The following CD38 variants were observed in gnomAD, a reference collection of about 807,000 sequenced individuals.
The protein encoded by CD38 is ADP-ribosyl cyclase/cyclic ADP-ribose hydrolase 1.
Under a neutral mutation model 36.3 loss-of-function variants are expected in CD38, and 31 were observed. That is an observed-to-expected ratio of 0.85 (90% CI 0.64 to 1.15). CD38 has a LOEUF of 1.15. Ranked by LOEUF, CD38 falls within the 50% of genes most tolerant of loss-of-function variation. The pLI is 0.00. For synonymous variants in CD38, 131 were observed against 135.2 expected, an observed-to-expected ratio of 0.97 and a Z score of 0.22; for missense variants, 380 against 371.9, an observed-to-expected ratio of 1.02 and a Z score of -0.18.
chr4:15,812,062 G>A (rs753013105), intron 1 of CD38, among the ~76,000 whole-genome samples: 101 of 152,198 alleles, frequency 6.6e-4, no homozygotes, highest in East Asian at 1.9e-4. Flanking sequence ...GCATTGCTTC[G>A]GCTGCATGAC....
At position 15,791,769 on chromosome 4, in the gene CD38, G is replaced by T. The variant is rs1465209013; in HGVS notation, c.233+13122G>T. Among the ~76,000 whole-genome samples, 20 of 80,746 alleles carry T rather than the reference G, an allele frequency of 2.5e-4. 6 individuals carry two copies. The highest frequency in any genetic ancestry group is 2.4e-3 in the African/African-American group (19 of 8,012). The allele number at this position is 80,746 out of a possible 152,430, so 53.0% of individuals were successfully genotyped here. On this transcript the variant is annotated intron_variant, in intron 1 of 7. Transcript: ENST00000226279. ...CCTACTGGGAAGTGAGGATCCCTCT[G>T]CCCGGCCAGCCGCCCCGTCCGGGAG... is the stretch of plus-strand genomic sequence containing the variant.
intron 1 of CD38, among the ~76,000 whole-genome samples, chr4:15,803,982 T>C (rs1723284427): frequency 6.6e-6 from 1 of 152,230 alleles, no homozygotes; most frequent in South Asian, 2.1e-4. Context: ...ATACATGATT[T>C]CATTCTTCTT....
intron 7 of CD38, among the ~76,000 whole-genome samples, chr4:15,847,580 AACAAC>A (rs1361532299): frequency 1.5e-4 from 18 of 117,384 alleles, no homozygotes; most frequent in East Asian, 1.4e-3. Context: ...AAAAATAAAA[AACAAC>A]TCTCAGAAGC....
chr4:15,840,146 G>C (rs755331095), intron 6 of CD38, 28 bp downstream of exon 6: 27 of 1,463,308 alleles, frequency 1.8e-5, no homozygotes, highest in Non-Finnish European at 2.3e-5. Flanking sequence ...GTACCCAAGT[G>C]TTATTTTATG....
At chr4:15,805,041 C>G (rs1286757146) in intron 1 of CD38, among the ~76,000 whole-genome samples, 1 of 152,052 alleles carries the variant, frequency 6.6e-6, no homozygotes, top group Non-Finnish European at 1.5e-5. Context: ...TAAATATGTG[C>G]AATTACATGT....
chr4:15,839,941 CCTTT>C (rs1724164547), intron 5 of CD38, 81 bp from the exon 6 acceptor site: 2 of 871,042 alleles, frequency 2.3e-6, no homozygotes. Flanking sequence ...CTAGCCAGTG[CCTTT>C]CTGCCTGCTG....
At chr4:15,840,305 C>A in intron 6 of CD38, 147 bp from the exon 7 acceptor site, 1 of 715,996 alleles carries the variant, frequency 1.4e-6, no homozygotes. Context: ...CTTCAGCTCT[C>A]CTGCTGACCC....
intron 3 of CD38, among the ~76,000 whole-genome samples, chr4:15,830,181 G>C (rs1191814395): frequency 1.3e-5 from 2 of 152,112 alleles, no homozygotes; most frequent in Non-Finnish European, 2.9e-5. Context: ...GTTCTCCATA[G>C]TGGTTGTACT....
chr4:15,811,516 T>C (rs1035990510), intron 1 of CD38, among the ~76,000 whole-genome samples: 2 of 152,206 alleles, frequency 1.3e-5, no homozygotes, highest in Admixed American at 1.3e-4. Context: ...GCACCATTTG[T>C]TGAAAAGTGT....
In CD38 at chr4:15,851,535, A is replaced by G. The variant is rs1215044647; in HGVS notation, c.*2933A>G. 6.6e-6 allele frequency: 1 copy of G among 152,084 alleles called. No individual in the cohort carries two copies. The highest frequency in any genetic ancestry group is 1.5e-5 in the Non-Finnish European group (1 of 68,028). 9.4% of individuals were successfully genotyped at this position (152,084 alleles called of 1,614,324 possible). A position where few individuals can be genotyped will look rare whatever the true frequency, so the allele number is the denominator to read the frequency against. On this transcript the variant is annotated 3_prime_UTR_variant, in exon 8 of 8. Transcript: ENST00000226279. ...AATTCCTAAGGCTCACCATTTTCCT[A>G]TTGTAATGGTTCTTGACCTTATAAT...
At chr4:15,828,198 T>G (rs1457263099) in intron 3 of CD38, among the ~76,000 whole-genome samples, 1 of 152,110 alleles carries the variant, frequency 6.6e-6, no homozygotes, top group Non-Finnish European at 1.5e-5. Flanking sequence ...GTATTTTTTT[T>G]AGAGACAGGG....
At chr4:15,780,534 A>ACACACACACACACACGCG (rs1722671739) in intron 1 of CD38, among the ~76,000 whole-genome samples, 1 of 144,170 alleles carries the variant, frequency 6.9e-6, no homozygotes, top group African/African-American at 2.7e-5. Flanking sequence ...ACACACACAC[A>ACACACACACACACACGCG]CACACACACA....
At position 15,851,859 on chromosome 4, in the gene CD38, A is replaced by G. The variant is rs973803021; in HGVS notation, c.*3257A>G. Reference sequence around the variant, plus strand: ...CTACTACACACCCAGGCTACATGGTATCACCTATTCCTCCTAGGCTACAAG... The same window carrying G: ...CTACTACACACCCAGGCTACATGGTGTCACCTATTCCTCCTAGGCTACAAG... On this transcript the variant is annotated 3_prime_UTR_variant, in exon 8 of 8. Coordinates refer to ENST00000226279, the MANE Select transcript of CD38 (RefSeq NM_001775.4). 1 of 152,238 alleles carries G rather than the reference A, an allele frequency of 6.6e-6. No homozygotes were observed. 9.4% of individuals were successfully genotyped at this position (152,238 alleles called of 1,614,324 possible). A position where few individuals can be genotyped will look rare whatever the true frequency, so the allele number is the denominator to read the frequency against.
chr4:15,800,072 C>T (rs1254536597), intron 1 of CD38, among the ~76,000 whole-genome samples: 1 of 152,074 alleles, frequency 6.6e-6, no homozygotes, highest in African/African-American at 2.4e-5. Context: ...CACAACTCTC[C>T]CTCCAAAATA....
intron 1 of CD38, among the ~76,000 whole-genome samples, chr4:15,801,243 T>G (rs956279447): frequency 1.3e-5 from 2 of 151,886 alleles, no homozygotes; most frequent in African/African-American, 4.8e-5. Flanking sequence ...AAAATCCGAA[T>G]AGACCAATAA....
intron 1 of CD38, among the ~76,000 whole-genome samples, chr4:15,785,765 T>C (rs775913189): frequency 6.6e-5 from 10 of 152,196 alleles, no homozygotes; most frequent in Non-Finnish European, 1.0e-4. Flanking sequence ...CAATCACATC[T>C]TAGTGGGTCC....
At chr4:15,837,879 T>C (rs1246922378) in intron 4 of CD38, among the ~76,000 whole-genome samples, 1 of 152,236 alleles carries the variant, frequency 6.6e-6, no homozygotes, top group Non-Finnish European at 1.5e-5. Flanking sequence ...ATTGTTCACT[T>C]AGAGATTGGA....
At chr4:15,814,150 G>A (rs993156277) in intron 1 of CD38, among the ~76,000 whole-genome samples, 12 of 152,134 alleles carry the variant, frequency 7.9e-5, no homozygotes, top group South Asian at 2.1e-4. Flanking sequence ...TCTAACTGGC[G>A]TGAGATGGTA....
chr4:15,800,415 G>A (rs1020763091), intron 1 of CD38, among the ~76,000 whole-genome samples: 1 of 152,162 alleles, frequency 6.6e-6, no homozygotes, highest in African/African-American at 2.4e-5. Context: ...TTTTACATGT[G>A]TAGCATCAGT....
Sources: allele counts gnomAD v4.1 joint callset (sites outside exome capture counted in the v4.1 genomes callset), GRCh38; gene constraint gnomAD v4.1.1; transcripts MANE v1.5; gene names NCBI Gene and HGNC (gene_info 2026-07-23, HGNC 2026-07-21).